Variants in ADAMTS12 observed in about 807,000 individuals in gnomAD.
ADAMTS12 encodes the protein ADAM metallopeptidase with thrombospondin type 1 motif 12.
In ADAMTS12, 118 loss-of-function variants were observed where a neutral mutation model predicts 167.8. The observed-to-expected ratio is 0.70, with a 90% CI of 0.61 to 0.82. ADAMTS12 has a LOEUF of 0.82. ADAMTS12 is among the 40% of genes least tolerant of loss of function. The pLI is 0.00. For synonymous variants in ADAMTS12, 704 were observed against 716.9 expected, an observed-to-expected ratio of 0.98 and a Z score of 0.29; for missense variants, 1,916 against 1,998.8, an observed-to-expected ratio of 0.96 and a Z score of 0.79.
At chr5:33,841,729 C>T (rs1748751488) in intron 2 of ADAMTS12, among the ~76,000 whole-genome samples, 2 of 152,196 alleles carry the variant, frequency 1.3e-5, no homozygotes, top group South Asian at 2.1e-4. Flanking sequence ...CTGCTCTCTC[C>T]CCATCAATGG....
At position 33,527,014 on chromosome 5, in the gene ADAMTS12, C is replaced by T. The variant is rs1020922678; in HGVS notation, c.*174G>A. 4.3e-5 allele frequency: 35 copies of T among 809,598 alleles called. No individual in the cohort carries two copies. Among genetic ancestry groups the T allele is most frequent in the Non-Finnish European group, 5.9e-5 (31 of 521,754 alleles). 50.2% of individuals were successfully genotyped at this position (809,598 alleles called of 1,614,324 possible). On this transcript the variant is annotated 3_prime_UTR_variant, in exon 24 of 24. Transcript: ENST00000504830. ...GAGCAGCAAGTACGGCAGCCTAGGC[C>T]TCCTGTGAGGGACATTCGGTGGCTA...
intron 14 of ADAMTS12, among the ~76,000 whole-genome samples, chr5:33,618,224 C>G (rs1739123068): frequency 6.6e-6 from 1 of 152,162 alleles, no homozygotes; most frequent in East Asian, 1.9e-4. Flanking sequence ...AGTGGATCCT[C>G]ATAAAGACCT....
At chr5:33,585,487 T>C (rs1747301059) in intron 18 of ADAMTS12, among the ~76,000 whole-genome samples, 2 of 152,240 alleles carry the variant, frequency 1.3e-5, no homozygotes, top group African/African-American at 2.4e-5. Flanking sequence ...TCCTGGCTTC[T>C]GGAGTGTCCT....
chr5:33,653,373 A>G (rs1210464261), intron 7 of ADAMTS12, among the ~76,000 whole-genome samples: 2 of 152,088 alleles, frequency 1.3e-5, no homozygotes, highest in Non-Finnish European at 2.9e-5. Flanking sequence ...CCACTTGGTC[A>G]TTGTGTCTAA....
At chr5:33,578,800 T>C (rs1746895057) in intron 18 of ADAMTS12, among the ~76,000 whole-genome samples, 1 of 152,254 alleles carries the variant, frequency 6.6e-6, no homozygotes, top group African/African-American at 2.4e-5. Flanking sequence ...GAAAAGCAGA[T>C]GCTGTGAGCA....
chr5:33,614,296 C>T lies in ADAMTS12; in HGVS notation c.2469G>A (p.Gln823=). The T allele has an allele frequency of 6.2e-7, 1 of 1,614,128 alleles. No homozygotes were observed. The change falls in exon 16 of 24, where the codon CAG becomes CAA. Residue 823 remains glutamine, a synonymous_variant. Transcript: ENST00000504830. ...GGCCGTACTGCCAGAAGTACATCTG[C>T]TGCTCAACATCATTGTCAAGGCCAT... is the stretch of plus-strand genomic sequence containing the variant. The part of the protein sequence containing the change: ...QKDGLDNDVE[Q]QMYFWQYGHW...
intron 18 of ADAMTS12, among the ~76,000 whole-genome samples, chr5:33,581,996 C>G (rs148788353): frequency 2.0e-5 from 3 of 152,294 alleles, no homozygotes; most frequent in African/African-American, 7.2e-5. Context: ...ATCCTCCCAG[C>G]TTTCAGAAGG....
chr5:33,572,484 C>T (rs1746413605), intron 19 of ADAMTS12, among the ~76,000 whole-genome samples: 3 of 149,742 alleles, frequency 2.0e-5, no homozygotes, highest in African/African-American at 7.4e-5. Context: ...ATAAACAGAA[C>T]CAAAGACAAA....
At chr5:33,592,641 T>C (rs576502662) in intron 17 of ADAMTS12, among the ~76,000 whole-genome samples, 2 of 152,338 alleles carry the variant, frequency 1.3e-5, no homozygotes, top group South Asian at 4.1e-4. Flanking sequence ...ATTGGCAATG[T>C]AATATATATT....
intron 18 of ADAMTS12, 125 bp from the exon 19 acceptor site, chr5:33,577,285 T>C: frequency 7.3e-7 from 1 of 1,368,962 alleles, no homozygotes; most frequent in Non-Finnish European, 1.0e-6. Context: ...GTCTGCTATC[T>C]ACATTTGGTT....
intron 2 of ADAMTS12, among the ~76,000 whole-genome samples, chr5:33,786,458 A>G (rs1257572617): frequency 1.5e-5 from 2 of 136,554 alleles, no homozygotes; most frequent in Non-Finnish European, 3.2e-5. Flanking sequence ...ATCATCTAAG[A>G]AGCTTTTTTT....
intron 6 of ADAMTS12, among the ~76,000 whole-genome samples, chr5:33,659,381 G>A (rs1357141546): frequency 6.6e-6 from 1 of 152,128 alleles, no homozygotes; most frequent in Non-Finnish European, 1.5e-5. Context: ...TAACTTCTAG[G>A]TCTGTAAGAG....
chr5:33,722,143 C>T (rs959842748), intron 3 of ADAMTS12, among the ~76,000 whole-genome samples: 1 of 152,206 alleles, frequency 6.6e-6, no homozygotes, highest in African/African-American at 2.4e-5. Context: ...ACCACATTTC[C>T]ATCCAACTCA....
chr5:33,758,548 G>A (rs568091301), intron 2 of ADAMTS12, among the ~76,000 whole-genome samples: 5 of 152,266 alleles, frequency 3.3e-5, no homozygotes, highest in East Asian at 3.9e-4. Context: ...ATGTGGATTC[G>A]CGCAAGGGGG....
rs1433703037 is a variant in ADAMTS12, at chr5:33,614,219, G to A, written c.2527+19C>T. 4 of 1,611,374 alleles carry A rather than the reference G, an allele frequency of 2.5e-6. No homozygotes were observed. Among genetic ancestry groups the A allele is most frequent in the East Asian group, 4.5e-5 (2 of 44,706 alleles). On this transcript the variant is annotated intron_variant, in intron 16 of 23. Transcript: ENST00000504830. ...TCTGAGGCTGGCATGGCTTCATAGT[G>A]AGAGCAGCTGTTTCTCACCTGTCCC... is the stretch of plus-strand genomic sequence containing the variant.
At chr5:33,667,460 A>G (rs1394850817) in intron 5 of ADAMTS12, among the ~76,000 whole-genome samples, 1 of 151,976 alleles carries the variant, frequency 6.6e-6, no homozygotes, top group Non-Finnish European at 1.5e-5. Context: ...TTTTTGGCAT[A>G]TTTGCATTTT....
chr5:33,849,196 CAATA>C (rs1749087309), intron 2 of ADAMTS12, among the ~76,000 whole-genome samples: 6 of 54,784 alleles, frequency 1.1e-4, no homozygotes, highest in Admixed American at 4.5e-4. Context: ...TATTGCATAG[CAATA>C]TATATATATG....
At chr5:33,545,159 A>G (rs1040270501) in intron 22 of ADAMTS12, among the ~76,000 whole-genome samples, 3 of 152,256 alleles carry the variant, frequency 2.0e-5, no homozygotes, top group Non-Finnish European at 4.4e-5. Flanking sequence ...AAAGAAATTT[A>G]CAAGAAAACA....
chr5:33,527,914 T>A (rs577753466), intron 23 of ADAMTS12, among the ~76,000 whole-genome samples: 1 of 152,142 alleles, frequency 6.6e-6, no homozygotes, highest in African/African-American at 2.4e-5. Context: ...CTATAGATGC[T>A]CAGCAAAAAA....
Sources: allele counts gnomAD v4.1 joint callset (sites outside exome capture counted in the v4.1 genomes callset), GRCh38; gene constraint gnomAD v4.1.1; transcripts MANE v1.5; gene names NCBI Gene and HGNC (gene_info 2026-07-23, HGNC 2026-07-21).